Variants in MEF2C observed in about 807,000 individuals in gnomAD.
MEF2C encodes the protein myocyte enhancer factor 2C, also known as myocyte-specific enhancer factor 2C.
A neutral mutation model predicts 50.5 loss-of-function variants in MEF2C; 6 were observed. The observed-to-expected ratio is 0.12, with a 90% CI of 0.07 to 0.23. MEF2C has a LOEUF of 0.23. Ranked by LOEUF, MEF2C falls within the 10% of genes least tolerant of loss-of-function variation. The pLI is 1.00. For missense variants in MEF2C, 276 were observed against 605.0 expected, an observed-to-expected ratio of 0.46 and a Z score of 5.70; for synonymous variants, 183 against 228.0, an observed-to-expected ratio of 0.80 and a Z score of 1.78.
intron 3 of MEF2C, among the ~76,000 whole-genome samples, chr5:88,789,666 T>C (rs1256414624): frequency 6.6e-6 from 1 of 152,316 alleles, no homozygotes; most frequent in South Asian, 2.1e-4. Context: ...ATTAACTCTA[T>C]GACCTTTAGA....
At chr5:88,764,052 A>C (rs1268289215) in intron 3 of MEF2C, among the ~76,000 whole-genome samples, 2 of 152,212 alleles carry the variant, frequency 1.3e-5, no homozygotes, top group Non-Finnish European at 1.5e-5. Flanking sequence ...CAAATCTTTT[A>C]ACCAATAAAT....
At chr5:88,791,132 G>A (rs1249196659) in intron 3 of MEF2C, among the ~76,000 whole-genome samples, 2 of 152,082 alleles carry the variant, frequency 1.3e-5, no homozygotes, top group African/African-American at 4.8e-5. Context: ...TTACTTAGAT[G>A]ATATCAATGG....
At chr5:88,771,549 C>T in intron 3 of MEF2C, 1 of 985,404 alleles carries the variant, frequency 1.0e-6, no homozygotes, top group Non-Finnish European at 1.2e-6. Context: ...ATGTCTGCTT[C>T]ACCACCAGGT....
chr5:88,786,424 T>C (rs568217523), intron 3 of MEF2C, among the ~76,000 whole-genome samples: 1 of 152,180 alleles, frequency 6.6e-6, no homozygotes. Context: ...TTTTCCAGCC[T>C]CTCAGCCAGA....
chr5:88,893,619 A>G (rs933322400), intron 1 of MEF2C, among the ~76,000 whole-genome samples: 5 of 152,116 alleles, frequency 3.3e-5, no homozygotes, highest in African/African-American at 1.2e-4. Context: ...ATTTTAAACC[A>G]AGCAATATAA....
rs570268120 is a variant in MEF2C at position 88,732,709 on chromosome 5, T to C, written c.638-808A>G. 2.0e-5 allele frequency among the ~76,000 whole-genome samples: 3 copies of C among 152,304 alleles called. No homozygotes were observed. In the East Asian group the frequency reaches 5.8e-4, roughly 29 times the overall value. ...TCTGCGTTTTTCATATTTCAAAATA[T>C]GACCAAGAGAGCTAGGGAGGAGTTG... On this transcript the variant is annotated intron_variant, in intron 6 of 10. Transcript: ENST00000504921.
At chr5:88,827,692 A>G (rs943808009) in intron 1 of MEF2C, among the ~76,000 whole-genome samples, 2 of 152,000 alleles carry the variant, frequency 1.3e-5, no homozygotes, top group Non-Finnish European at 2.9e-5. Flanking sequence ...AATAGCAGAT[A>G]TATCTCAGTT....
intron 1 of MEF2C, among the ~76,000 whole-genome samples, chr5:88,845,699 C>T (rs1401472257): frequency 6.6e-6 from 1 of 152,096 alleles, no homozygotes; most frequent in Non-Finnish European, 1.5e-5. Flanking sequence ...TTTTATCTTA[C>T]ATAATCTAAA....
intron 3 of MEF2C, among the ~76,000 whole-genome samples, chr5:88,795,457 A>T (rs1445561307): frequency 6.6e-6 from 1 of 152,138 alleles, no homozygotes; most frequent in Non-Finnish European, 1.5e-5. Flanking sequence ...TTATTGGTGT[A>T]TAGGAATGCT....
chr5:88,726,801 T>C (rs1347768166), intron 10 of MEF2C, among the ~76,000 whole-genome samples: 1 of 152,126 alleles, frequency 6.6e-6, no homozygotes. Context: ...TTCCTTGTAA[T>C]AGAAAAGAGT....
chr5:88,805,582 T>C (rs1249967821), intron 2 of MEF2C, among the ~76,000 whole-genome samples: 6 of 152,170 alleles, frequency 3.9e-5, no homozygotes, highest in Non-Finnish European at 8.8e-5. Context: ...CTGTCCTCGA[T>C]GATCTCCCTG....
chr5:88,887,100 TC>T (rs1381506203), upstream of MEF2C, among the ~76,000 whole-genome samples: 1 of 152,252 alleles, frequency 6.6e-6, no homozygotes, highest in Non-Finnish European at 1.5e-5. Flanking sequence ...TTAAGATTAT[TC>T]AACTGTATAG....
intron 1 of MEF2C, chr5:88,843,194 T>C (rs1817982923): frequency 2.7e-6 from 1 of 369,148 alleles, no homozygotes; most frequent in African/African-American, 2.2e-5. Context: ...TCTAGTTATA[T>C]GTGTATTTTG....
upstream of MEF2C, among the ~76,000 whole-genome samples, chr5:88,886,804 T>A (rs572596396): frequency 1.3e-5 from 2 of 152,326 alleles, no homozygotes; most frequent in Non-Finnish European, 2.9e-5. Flanking sequence ...GTCATAGAAG[T>A]TACAGAGAGC....
Position 88,726,683 on chromosome 5 carries a change from C to T in MEF2C, c.1100+1810G>A, listed in dbSNP as rs532539659. The stretch of plus-strand genomic sequence containing the variant: ...GTGTTGAAAGGAACCGGGAGCTGAA[C>T]AAAATGCTTAACCTTTGGCTGTTGT... On this transcript the variant is annotated intron_variant, in intron 10 of 10. Transcript: ENST00000504921. Among the ~76,000 whole-genome samples the T allele has an allele frequency of 8.5e-5, 13 of 152,244 alleles. 1 individual carries two copies. The South Asian group carries it at 1.9e-3, about 22-fold the overall frequency.
At chr5:88,858,523 T>A (rs1824319443) in intron 1 of MEF2C, among the ~76,000 whole-genome samples, 1 of 152,064 alleles carries the variant, frequency 6.6e-6, no homozygotes, top group Non-Finnish European at 1.5e-5. Context: ...CCAGTAAGAG[T>A]TAACTAGAAG....
At chr5:88,746,488 A>C in intron 6 of MEF2C, 3 of 983,240 alleles carry the variant, frequency 3.1e-6, no homozygotes, top group Non-Finnish European at 3.6e-6. Flanking sequence ...TTAGAAAAAA[A>C]CTGCAGCTGC....
At chr5:88,813,477 A>T (rs1159892358) in intron 2 of MEF2C, among the ~76,000 whole-genome samples, 1 of 151,978 alleles carries the variant, frequency 6.6e-6, no homozygotes, top group Non-Finnish European at 1.5e-5. Context: ...GCCCAGCCCC[A>T]TTCATAAAGT....
intron 1 of MEF2C, chr5:88,843,399 T>TA (rs1818135705): frequency 6.1e-6 from 6 of 985,066 alleles, no homozygotes; most frequent in Non-Finnish European, 7.2e-6. Flanking sequence ...GAAATTAAGC[T>TA]AAAAAAATCA....
Sources: gnomAD v4.1 joint callset for allele counts (sites outside exome capture counted in the v4.1 genomes callset) on GRCh38, gnomAD v4.1.1 for gene constraint, MANE v1.5 for transcripts, NCBI Gene and HGNC (gene_info 2026-07-23, HGNC 2026-07-21) for gene names.